The following MEF2C variants were observed in gnomAD, a reference collection of about 807,000 sequenced individuals.
The protein encoded by MEF2C is myocyte-specific enhancer factor 2C.
In MEF2C, 6 loss-of-function variants were observed where a neutral mutation model predicts 50.5. That is an observed-to-expected ratio of 0.12 (90% CI 0.07 to 0.23). MEF2C has a LOEUF of 0.23. Ranked by LOEUF, MEF2C falls within the 10% of genes least tolerant of loss-of-function variation. The pLI is 1.00. For missense variants in MEF2C, 276 were observed against 605.0 expected, an observed-to-expected ratio of 0.46 and a Z score of 5.70; for synonymous variants, 183 against 228.0, an observed-to-expected ratio of 0.80 and a Z score of 1.78.
intron 6 of MEF2C, chr5:88,734,590 T>TTTTTTTTTTTTTTTTTTTTTTTTTTTG (rs1763293666): frequency 1.0e-6 from 1 of 971,018 alleles, no homozygotes; most frequent in Non-Finnish European, 1.2e-6. Flanking sequence ...TTTTTTTTTT[T>TTTTTTTTTTTTTTTTTTTTTTTTTTTG]TTTTTTTTAG....
rs1044658027 is a variant in MEF2C at position 88,720,171 on chromosome 5, A to G, written c.*2433T>C. 6.6e-6 allele frequency: 1 copy of G among 152,184 alleles called. No homozygotes were observed. Among genetic ancestry groups the G allele is most frequent in the Non-Finnish European group, 1.5e-5 (1 of 67,926 alleles). The allele number at this position is 152,184 out of a possible 1,614,324, so 9.4% of individuals were successfully genotyped here. ...AGGATGGGTTGTAAGGATGGGATCA[A>G]GTCTATGGTGAGGAAAATGATTTTC... On this transcript the variant is annotated 3_prime_UTR_variant, in exon 11 of 11. Transcript: ENST00000504921.
chr5:88,791,757 G>A (rs1793863256), intron 3 of MEF2C, among the ~76,000 whole-genome samples: 1 of 151,676 alleles, frequency 6.6e-6, no homozygotes, highest in East Asian at 1.9e-4. Flanking sequence ...AGACTTTGGG[G>A]AACAAGTAAA....
intron 1 of MEF2C, among the ~76,000 whole-genome samples, chr5:88,831,377 C>T (rs1581329091): frequency 6.6e-6 from 1 of 151,614 alleles, no homozygotes; most frequent in African/African-American, 2.4e-5. Context: ...CCTAAAAGGA[C>T]GTTCTCAGTA....
At chr5:88,896,410 G>A (rs190074858) in intron 1 of MEF2C, among the ~76,000 whole-genome samples, 34 of 152,164 alleles carry the variant, frequency 2.2e-4, no homozygotes, top group African/African-American at 7.2e-4. Context: ...TCTTGAACAG[G>A]GTTTAAGAAC....
At chr5:88,829,630 A>T (rs778515031) in intron 1 of MEF2C, among the ~76,000 whole-genome samples, 17 of 152,058 alleles carry the variant, frequency 1.1e-4, no homozygotes, top group Non-Finnish European at 2.4e-4. Context: ...TTGCTTACAC[A>T]GAAGCAGATT....
intron 1 of MEF2C, among the ~76,000 whole-genome samples, chr5:88,849,931 TA>T (rs1820676838): frequency 6.6e-6 from 1 of 152,182 alleles, no homozygotes; most frequent in South Asian, 2.1e-4. Flanking sequence ...AAGCAAAATT[TA>T]TTTTTTTTGT....
At chr5:88,812,729 A>T (rs1171458177) in intron 2 of MEF2C, among the ~76,000 whole-genome samples, 1 of 152,142 alleles carries the variant, frequency 6.6e-6, no homozygotes, top group Non-Finnish European at 1.5e-5. Flanking sequence ...GTAAACAAAG[A>T]CATGAATAGC....
At chr5:88,742,413 A>C in intron 6 of MEF2C, 3 of 984,214 alleles carry the variant, frequency 3.0e-6, no homozygotes, top group South Asian at 9.4e-5. Flanking sequence ...TTAATATTAA[A>C]AACAACCAAG....
rs1809366541 is a variant in MEF2C, at chr5:88,823,400, T to A, written c.54+335A>T. On this transcript the variant is annotated intron_variant, in intron 2 of 10. Coordinates refer to ENST00000504921, the MANE Select transcript of MEF2C (RefSeq NM_002397.5). ...TCTAGTTCCCATGAATATAAGAATA[T>A]CTTTGTTTGATGATGCGTGCAATGT... Among the ~76,000 whole-genome samples, 7 of 151,978 alleles carry A rather than the reference T, an allele frequency of 4.6e-5. No individual in the cohort carries two copies. The South Asian group carries it at 1.4e-3, about 31-fold the overall frequency.
chr5:88,821,016 T>C (rs1808077402), intron 2 of MEF2C, among the ~76,000 whole-genome samples: 1 of 151,980 alleles, frequency 6.6e-6, no homozygotes, highest in African/African-American at 2.4e-5. Context: ...ACAGGCCTAC[T>C]GTATCTAAAG....
chr5:88,796,994 T>C (rs1796280876), intron 3 of MEF2C, among the ~76,000 whole-genome samples: 1 of 152,244 alleles, frequency 6.6e-6, no homozygotes, highest in Non-Finnish European at 1.5e-5. Context: ...AGAGACTGTT[T>C]GTTATGATTT....
chr5:88,883,799 A>C (rs1833672427), upstream of MEF2C: 2 of 152,218 alleles, frequency 1.3e-5, no homozygotes, highest in Admixed American at 6.5e-5. Context: ...TAATAAAACA[A>C]ACATACAGCA....
intron 2 of MEF2C, among the ~76,000 whole-genome samples, chr5:88,823,219 T>C (rs1367007722): frequency 6.6e-6 from 1 of 152,004 alleles, no homozygotes; most frequent in Non-Finnish European, 1.5e-5. Context: ...GTTATTAATA[T>C]CTTGTGTGGG....
At chr5:88,778,203 C>T (rs1167173205) in intron 3 of MEF2C, among the ~76,000 whole-genome samples, 4 of 152,112 alleles carry the variant, frequency 2.6e-5, no homozygotes, top group Non-Finnish European at 4.4e-5. Context: ...CCACCACGCC[C>T]GGCTGCTAAA....
rs1292468454 is a variant in MEF2C at position 88,804,514 on chromosome 5, G to GATGTGTGT, written c.258+76_258+83dup. The stretch of plus-strand genomic sequence containing the variant: ...ATGAACATCTTAAGAAAAAGAACAT[G>GATGTGTGT]ATGTGTGTATGTGTGTGTGGCAGGG... On this transcript the variant is annotated intron_variant, in intron 3 of 10. Transcript: ENST00000504921. The GATGTGTGT allele has an allele frequency of 6.7e-6, 8 of 1,185,896 alleles. No homozygotes were observed. The East Asian group carries it at 1.7e-4, about 25-fold the overall frequency. 73.5% of individuals were successfully genotyped at this position (1,185,896 alleles called of 1,614,324 possible).
In MEF2C at chr5:88,730,029, A is replaced by G. The variant is rs202056430; in HGVS notation, c.834+182T>C. Among the ~76,000 whole-genome samples, 295 of 42,552 alleles carry G rather than the reference A, an allele frequency of 6.9e-3. 1 individual carries two copies. Among genetic ancestry groups the G allele is most frequent in the Non-Finnish European group, 0.017 (234 of 13,632 alleles). 27.9% of individuals were successfully genotyped at this position (42,552 alleles called of 152,430 possible). ...TTGAAAACAGAAAAAATATTGAAAC[A>G]AAAAAAAAAACCTGACATTCTTTTC... is the stretch of plus-strand genomic sequence containing the variant. On this transcript the variant is annotated intron_variant, in intron 8 of 10. Coordinates refer to ENST00000504921, the MANE Select transcript of MEF2C (RefSeq NM_002397.5).
At position 88,858,953 on chromosome 5, in the gene MEF2C, T is replaced by C. The variant is rs368754699; in HGVS notation, c.-143+24002A>G. On this transcript the variant is annotated intron_variant, in intron 1 of 10. Coordinates refer to ENST00000504921, the MANE Select transcript of MEF2C (RefSeq NM_002397.5). ...GCACTGCAAACCATTCTGAGGCCTA[T>C]GTATGGTGGATTACATTTTGCACAT... Among the ~76,000 whole-genome samples the C allele has an allele frequency of 7.8e-4, 119 of 152,326 alleles. 1 individual carries two copies. In the South Asian group the frequency reaches 0.023, roughly 29 times the overall value.
intron 4 of MEF2C, among the ~76,000 whole-genome samples, chr5:88,753,997 T>G (rs773966361): frequency 1.3e-5 from 2 of 152,200 alleles, no homozygotes; most frequent in African/African-American, 2.4e-5. Flanking sequence ...GAAAACAAAG[T>G]AAAGTGATTC....
chr5:88,825,540 A>G, intron 1 of MEF2C: 2 of 981,920 alleles, frequency 2.0e-6, no homozygotes, highest in Non-Finnish European at 2.4e-6. Flanking sequence ...AATAACACAC[A>G]TTTGACAAAT....
Sources: gnomAD v4.1 joint callset for allele counts (sites outside exome capture counted in the v4.1 genomes callset) on GRCh38, gnomAD v4.1.1 for gene constraint, MANE v1.5 for transcripts, NCBI Gene and HGNC (gene_info 2026-07-23, HGNC 2026-07-21) for gene names.